The following ROBO1 variants were observed in gnomAD, a reference collection of about 807,000 sequenced individuals.
The protein encoded by ROBO1 is roundabout guidance receptor 1.
Under a neutral mutation model 195.9 loss-of-function variants are expected in ROBO1, and 149 were observed. The observed-to-expected ratio is 0.76, with a 90% CI of 0.67 to 0.87. The LOEUF is 0.87. ROBO1 is among the 40% of genes least tolerant of loss of function. The pLI is 0.00. For synonymous variants in ROBO1, 816 were observed against 733.2 expected, an observed-to-expected ratio of 1.11 and a Z score of -1.82; for missense variants, 1,933 against 2,068.3, an observed-to-expected ratio of 0.93 and a Z score of 1.27.
chr3:78,826,168 G>A (rs1025591998), intron 4 of ROBO1, among the ~76,000 whole-genome samples: 1 of 152,146 alleles, frequency 6.6e-6, no homozygotes, highest in Non-Finnish European at 1.5e-5. Flanking sequence ...AAGGAACTCT[G>A]CTTCAGTAAT....
intron 26 of ROBO1, among the ~76,000 whole-genome samples, chr3:78,618,591 C>G (rs1274728950): frequency 6.6e-6 from 1 of 151,704 alleles, no homozygotes; most frequent in Non-Finnish European, 1.5e-5. Context: ...ACATAATTTC[C>G]TTTAGATTTT....
chr3:78,740,645 T>C (rs936819805), intron 5 of ROBO1, among the ~76,000 whole-genome samples: 3 of 152,004 alleles, frequency 2.0e-5, no homozygotes, highest in African/African-American at 7.2e-5. Context: ...CTAGTTTTTT[T>C]GTATTTTGAG....
intron 2 of ROBO1, among the ~76,000 whole-genome samples, chr3:79,292,679 T>C (rs778788439): frequency 3.9e-5 from 6 of 152,222 alleles, no homozygotes; most frequent in Non-Finnish European, 7.3e-5. Flanking sequence ...GGATTATGTT[T>C]ACAGATTTGC....
At chr3:79,513,903 T>C (rs1389574865) in intron 2 of ROBO1, among the ~76,000 whole-genome samples, 2 of 152,264 alleles carry the variant, frequency 1.3e-5, no homozygotes, top group Non-Finnish European at 2.9e-5. Context: ...TTTATCCTTT[T>C]ATTTCCAAAG....
chr3:79,455,829 C>T (rs1339247541), intron 2 of ROBO1, among the ~76,000 whole-genome samples: 1 of 152,106 alleles, frequency 6.6e-6, no homozygotes. Context: ...GAGCATGGCA[C>T]ATACATAGCT....
At chr3:78,647,486 G>C in intron 20 of ROBO1, 143 bp downstream of exon 20, 1 of 794,144 alleles carries the variant, frequency 1.3e-6, no homozygotes, top group East Asian at 2.5e-5. Flanking sequence ...ACACATGCCT[G>C]GTGTGAGTAA....
chr3:78,730,840 A>G (rs982385165), intron 5 of ROBO1, among the ~76,000 whole-genome samples: 2 of 152,182 alleles, frequency 1.3e-5, no homozygotes, highest in Non-Finnish European at 2.9e-5. Context: ...ATATTTCTAC[A>G]TACATCCTTA....
chr3:79,702,551 C>G (rs999075774), intron 1 of ROBO1, among the ~76,000 whole-genome samples: 2 of 151,854 alleles, frequency 1.3e-5, no homozygotes, highest in African/African-American at 4.8e-5. Context: ...CCATTCCTTC[C>G]CTCTTCAGGC....
In ROBO1 at chr3:79,666,142, C is replaced by A. The variant is rs534767598; in HGVS notation, c.-50-76181G>T. ...ATTGCCAATAATGTACTCTACAACA[C>A]CTGGTATAATATTAATTGAGAATGC... is the stretch of plus-strand genomic sequence containing the variant. On this transcript the variant is annotated intron_variant, in intron 1 of 30. Coordinates refer to ENST00000464233, the MANE Select transcript of ROBO1 (RefSeq NM_002941.4). 5.3e-5 allele frequency among the ~76,000 whole-genome samples: 8 copies of A among 151,996 alleles called. No homozygotes were observed. In the East Asian group the frequency reaches 1.2e-3, roughly 22 times the overall value.
intron 3 of ROBO1, among the ~76,000 whole-genome samples, chr3:79,071,824 T>C (rs1181549032): frequency 1.3e-5 from 2 of 151,798 alleles, no homozygotes; most frequent in African/African-American, 2.4e-5. Context: ...TATTTTTTTT[T>C]GGTAAATTTT....
intron 1 of ROBO1, among the ~76,000 whole-genome samples, chr3:79,600,877 T>TAC (rs1340401958): frequency 2.6e-5 from 4 of 152,024 alleles, no homozygotes; most frequent in African/African-American, 9.7e-5. Context: ...TTTGTATGCT[T>TAC]ACATTTCATT....
intron 1 of ROBO1, among the ~76,000 whole-genome samples, chr3:79,712,255 C>T (rs1424208565): frequency 6.6e-6 from 1 of 152,022 alleles, no homozygotes; most frequent in Admixed American, 6.6e-5. Flanking sequence ...AAAAAGTTAT[C>T]CAACTTGTGA....
rs1276733759 is a variant in ROBO1, at chr3:79,488,833, G to A, written c.88+100991C>T. Reference sequence around the variant, plus strand: ...TCTTAGTGTGGACCAATGTCTACATGTATGTGTAAAGTGACAAGGAATTAA... The same window carrying A: ...TCTTAGTGTGGACCAATGTCTACATATATGTGTAAAGTGACAAGGAATTAA... On this transcript the variant is annotated intron_variant, in intron 2 of 30. Transcript: ENST00000464233. Among the ~76,000 whole-genome samples, 3 of 152,134 alleles carry A rather than the reference G, an allele frequency of 2.0e-5. No individual in the cohort carries two copies. In the East Asian group the frequency reaches 5.8e-4, roughly 29 times the overall value.
chr3:79,341,477 C>G (rs1225588945), intron 2 of ROBO1, among the ~76,000 whole-genome samples: 1 of 151,836 alleles, frequency 6.6e-6, no homozygotes, highest in African/African-American at 2.4e-5. Context: ...TTTCTATTCA[C>G]TAATTTACCA....
intron 1 of ROBO1, among the ~76,000 whole-genome samples, chr3:79,709,116 C>T (rs1381798264): frequency 1.3e-5 from 2 of 151,992 alleles, no homozygotes; most frequent in Non-Finnish European, 2.9e-5. Context: ...ACAAAATAGA[C>T]ACATTTTAAC....
rs143099192 is a variant in ROBO1 at position 79,273,219 on chromosome 3, A to C, written c.89-147680T>G. Among the ~76,000 whole-genome samples the C allele has an allele frequency of 3.2e-4, 48 of 152,226 alleles. 2 individuals carry two copies. In the East Asian group the frequency reaches 9.1e-3, roughly 29 times the overall value. ...CTGACAGAAAACCACTTAATATTGT[A>C]ACCGCGGTTGTGGTGTGTAAAATAC... is the stretch of plus-strand genomic sequence containing the variant. On this transcript the variant is annotated intron_variant, in intron 2 of 30. Coordinates refer to ENST00000464233, the MANE Select transcript of ROBO1 (RefSeq NM_002941.4).
chr3:79,040,947 T>C (rs1205131740), intron 3 of ROBO1, among the ~76,000 whole-genome samples: 4 of 152,158 alleles, frequency 2.6e-5, no homozygotes, highest in African/African-American at 9.7e-5. Flanking sequence ...CCTGACTCAC[T>C]CCTTTGACTT....
At chr3:78,944,873 C>T (rs970193487) in intron 3 of ROBO1, among the ~76,000 whole-genome samples, 1 of 152,218 alleles carries the variant, frequency 6.6e-6, no homozygotes, top group African/African-American at 2.4e-5. Context: ...ATATCCCGCA[C>T]GTGGCTCACA....
intron 3 of ROBO1, among the ~76,000 whole-genome samples, chr3:79,042,071 C>T (rs895586997): frequency 1.3e-5 from 2 of 152,062 alleles, no homozygotes; most frequent in African/African-American, 4.8e-5. Context: ...TTATATCATT[C>T]CCCAGAATAA....
Sources: gnomAD v4.1 joint callset for allele counts (sites outside exome capture counted in the v4.1 genomes callset) on GRCh38, gnomAD v4.1.1 for gene constraint, MANE v1.5 for transcripts, NCBI Gene and HGNC (gene_info 2026-07-23, HGNC 2026-07-21) for gene names.